The following GPATCH2L variants were observed in gnomAD, a reference collection of about 807,000 sequenced individuals.
The protein encoded by GPATCH2L is G-patch domain containing 2 like.
A neutral mutation model predicts 57.4 loss-of-function variants in GPATCH2L; 31 were observed. The ratio of observed to expected loss-of-function variants is 0.54; its 90% CI spans 0.41 to 0.73. GPATCH2L has a LOEUF of 0.73. GPATCH2L is among the 30% of genes least tolerant of loss of function. The probability of loss-of-function intolerance (pLI) is 0.00; values close to 1 mark genes in which losing one functional copy is unlikely to be tolerated. For synonymous variants in GPATCH2L, 199 were observed against 210.7 expected, an observed-to-expected ratio of 0.94 and a Z score of 0.48; for missense variants, 481 against 599.9, an observed-to-expected ratio of 0.80 and a Z score of 2.07.
chr14:76,167,652 C>T lies in GPATCH2L; in HGVS notation c.727+925C>T, dbSNP rs113054505. Among the ~76,000 whole-genome samples, 522 of 152,284 alleles carry T rather than the reference C, an allele frequency of 3.4e-3. 4 individuals are homozygous for T. The highest frequency in any genetic ancestry group is 0.012 in the African/African-American group (484 of 41,564). ...GTTGTAGGCATAGAGGCAGTTTATC[C>T]TCCTGGAGTTGTTGAGCTTCCTACT... is the stretch of plus-strand genomic sequence containing the variant. On this transcript the variant is annotated intron_variant, in intron 3 of 9. Coordinates refer to ENST00000261530, the MANE Select transcript of GPATCH2L (RefSeq NM_017926.4).
At chr14:76,178,239 A>G (rs1425702076) in intron 7 of GPATCH2L, 197 bp downstream of exon 7, 3 of 1,504,298 alleles carry the variant, frequency 2.0e-6, no homozygotes, top group Non-Finnish European at 2.7e-6. Context: ...AGCAGAATGA[A>G]TCTGATTTGC....
chr14:76,196,215 T>G (rs1042914861), intron 9 of GPATCH2L: 2 of 631,200 alleles, frequency 3.2e-6, no homozygotes, highest in Admixed American at 5.0e-5. Context: ...ATCAGCAATC[T>G]CCAGTCATCT....
At chr14:76,228,509 T>G (rs55832106) in intron 1 of GPATCH2L, among the ~76,000 whole-genome samples, 67,816 of 151,872 alleles carry the variant, frequency 0.45, 15,755 homozygotes, top group African/African-American at 0.57. Flanking sequence ...GGTCATCCTT[T>G]GAGATTAGCG....
intron 2 of GPATCH2L, among the ~76,000 whole-genome samples, chr14:76,231,320 G>A (rs956698683): frequency 2.0e-5 from 3 of 152,140 alleles, no homozygotes; most frequent in African/African-American, 7.2e-5. Context: ...CATCACGACC[G>A]TCTCTTTCCT....
chr14:76,197,326 C>G lies in GPATCH2L; in HGVS notation c.1288+1354C>G, dbSNP rs553517182. Among the ~76,000 whole-genome samples the G allele has an allele frequency of 3.3e-5, 5 of 152,194 alleles. No homozygotes were observed. In the South Asian group the frequency reaches 1.0e-3, roughly 32 times the overall value. The stretch of plus-strand genomic sequence containing the variant: ...TTTCATCTTTTTGTTCTTTTTTTCT[C>G]CTTAATATCTAGCTTTTATTTTTAG... On this transcript the variant is annotated intron_variant, in intron 9 of 9. Coordinates refer to ENST00000261530, the MANE Select transcript of GPATCH2L (RefSeq NM_017926.4).
At chr14:76,183,485 AT>A (rs200618343) in intron 8 of GPATCH2L, among the ~76,000 whole-genome samples, 9 of 152,008 alleles carry the variant, frequency 5.9e-5, no homozygotes, top group African/African-American at 1.9e-4. Context: ...TTATAGCAAA[AT>A]TTTTTTTGTT....
Position 76,202,151 on chromosome 14 carries a change from G to T in GPATCH2L, c.*300G>T. The stretch of plus-strand genomic sequence containing the variant: ...CTACAGCTCCATTTACAGAACTGTT[G>T]CTTTTTTGCAGTTGTCTTTGTTCTT... On this transcript the variant is annotated 3_prime_UTR_variant, in exon 10 of 10. Coordinates refer to ENST00000261530, the MANE Select transcript of GPATCH2L (RefSeq NM_017926.4). The T allele has an allele frequency of 9.3e-6, 2 of 215,340 alleles. No homozygotes were observed. Among genetic ancestry groups the T allele is most frequent in the Non-Finnish European group, 9.1e-6 (1 of 110,080 alleles). The allele number at this position is 215,340 out of a possible 1,614,324, so 13.3% of individuals were successfully genotyped here. A position where few individuals can be genotyped will look rare whatever the true frequency, so the allele number is the denominator to read the frequency against.
chr14:76,221,135 A>C (rs61979257), intron 1 of GPATCH2L, among the ~76,000 whole-genome samples: 2,259 of 152,034 alleles, frequency 0.015, 33 homozygotes, highest in Non-Finnish European at 0.024. Flanking sequence ...CTGTTATCCA[A>C]ACTGTAAAAA....
rs773881621 is a variant in GPATCH2L, at chr14:76,180,846, C to A, written c.1190C>A (p.Ala397Asp). 3 of 1,597,770 alleles carry A rather than the reference C, an allele frequency of 1.9e-6. No individual in the cohort carries two copies. The highest frequency in any genetic ancestry group is 2.6e-6 in the Non-Finnish European group (3 of 1,165,082). ...AGGTGTTCACCAGCACACTGCTCTG[C>A]CAGGTAATTGTCTTTTAGTAGCGGT... ...HRRCSPAHCS[A>D]RQANVHWGPP... is the part of the protein sequence containing the mutation. The change falls in exon 8 of 10, where the codon GCC (alanine) becomes GAC (aspartate). Residue 397 changes from alanine to aspartate, a missense_variant. By Grantham distance (126) the Ala-to-Asp change is moderately radical. Coordinates refer to ENST00000261530, the MANE Select transcript of GPATCH2L (RefSeq NM_017926.4).
At chr14:76,157,920 C>T (rs952217609) in intron 2 of GPATCH2L, among the ~76,000 whole-genome samples, 3 of 151,978 alleles carry the variant, frequency 2.0e-5, no homozygotes, top group African/African-American at 7.3e-5. Context: ...AGAGATCAAA[C>T]TATTATTTTA....
Position 76,168,793 on chromosome 14 carries a change from G to A in GPATCH2L, c.727+2066G>A, listed in dbSNP as rs143650340. ...TGGAATCCAATGGCAAAGAGCAAACGTCATGGATGGATGATTCTGCTATAG... is the reference window on the plus strand; with the variant it reads ...TGGAATCCAATGGCAAAGAGCAAACATCATGGATGGATGATTCTGCTATAG... On this transcript the variant is annotated intron_variant, in intron 3 of 9. Coordinates refer to ENST00000261530, the MANE Select transcript of GPATCH2L (RefSeq NM_017926.4). Among the ~76,000 whole-genome samples the A allele has an allele frequency of 6.2e-3, 943 of 152,338 alleles. 9 individuals are homozygous for A. The highest frequency in any genetic ancestry group is 0.021 in the African/African-American group (889 of 41,566).
chr14:76,215,777 G>A (rs1326285584), downstream of GPATCH2L, among the ~76,000 whole-genome samples: 1 of 100,368 alleles, frequency 1.0e-5, no homozygotes, highest in Non-Finnish European at 1.9e-5. Flanking sequence ...GGGGTGGGGG[G>A]AGGGGGGAGG....
At chr14:76,196,438 T>TTTTG (rs60453846) in intron 9 of GPATCH2L, 5,785 of 71,738 alleles carry the variant, frequency 0.081, 133 homozygotes, top group African/African-American at 0.11. Context: ...AACTTTTCAG[T>TTTTG]TTTTTTTTTT....
At chr14:76,231,622 T>TACACACACACACACACACACACACAC (rs60488808) in intron 2 of GPATCH2L, among the ~76,000 whole-genome samples, 6 of 147,364 alleles carry the variant, frequency 4.1e-5, no homozygotes, top group Non-Finnish European at 6.0e-5. Context: ...ACTAAACACA[T>TACACACACACACACACACACACACAC]ACACACACAC....
rs1425802071 is a variant in GPATCH2L, at chr14:76,210,242, C to T, written c.*8391C>T. ...CTCTAAAGGTAGGTACTTTTATCTC[C>T]ATTTTAAAACAATGAAATACACTTA... is the stretch of plus-strand genomic sequence containing the variant. On this transcript the variant is annotated 3_prime_UTR_variant, in exon 10 of 10. Transcript: ENST00000261530. 1 of 152,160 alleles carries T rather than the reference C, an allele frequency of 6.6e-6. No homozygotes were observed. Among genetic ancestry groups the T allele is most frequent in the East Asian group, 1.9e-4 (1 of 5,202 alleles). The allele number at this position is 152,160 out of a possible 1,614,324, so 9.4% of individuals were successfully genotyped here.
At chr14:76,163,174 T>C (rs1900122) in intron 2 of GPATCH2L, among the ~76,000 whole-genome samples, 116,737 of 152,074 alleles carry the variant, frequency 0.77, 45,814 homozygotes, top group South Asian at 0.88. Context: ...ACTTGCTGTG[T>C]GATCTTGGGT....
chr14:76,205,202 T>TCAAG lies in GPATCH2L; in HGVS notation c.*3355_*3358dup, dbSNP rs2040360744. The TCAAG allele has an allele frequency of 6.6e-6, 1 of 152,240 alleles. No individual in the cohort carries two copies. The highest frequency in any genetic ancestry group is 2.4e-5 in the African/African-American group (1 of 41,426). The allele number at this position is 152,240 out of a possible 1,614,324, so 9.4% of individuals were successfully genotyped here. A position where few individuals can be genotyped will look rare whatever the true frequency, so the allele number is the denominator to read the frequency against. On this transcript the variant is annotated 3_prime_UTR_variant, in exon 10 of 10. Coordinates refer to ENST00000261530, the MANE Select transcript of GPATCH2L (RefSeq NM_017926.4). ...CTATGCTGGTCTTGAACTCCTAACC[T>TCAAG]CAAGCAATCTTCCTGCCTCAGCCTC...
intron 8 of GPATCH2L, among the ~76,000 whole-genome samples, chr14:76,192,348 T>G (rs2040005905): frequency 6.6e-6 from 1 of 152,152 alleles, no homozygotes; most frequent in Non-Finnish European, 1.5e-5. Context: ...ATCATTTCTC[T>G]TCTTCCCTCC....
In GPATCH2L at chr14:76,203,632, G is replaced by C. The variant is rs1174139023; in HGVS notation, c.*1781G>C. 1 of 152,472 alleles carries C rather than the reference G, an allele frequency of 6.6e-6. No homozygotes were observed. The highest frequency in any genetic ancestry group is 1.5e-5 in the Non-Finnish European group (1 of 68,202). 9.4% of individuals were successfully genotyped at this position (152,472 alleles called of 1,614,324 possible). A position where few individuals can be genotyped will look rare whatever the true frequency, so the allele number is the denominator to read the frequency against. Reference sequence around the variant, plus strand: ...CTGAGTCACCCCTGGCTCTCATGCAGCAGTGTGTGTGCTTACAGGGACTTC... The same window carrying C: ...CTGAGTCACCCCTGGCTCTCATGCACCAGTGTGTGTGCTTACAGGGACTTC... On this transcript the variant is annotated 3_prime_UTR_variant, in exon 10 of 10. Transcript: ENST00000261530.
Sources: gnomAD v4.1 joint callset for allele counts (sites outside exome capture counted in the v4.1 genomes callset) on GRCh38, gnomAD v4.1.1 for gene constraint, MANE v1.5 for transcripts, NCBI Gene and HGNC (gene_info 2026-07-23, HGNC 2026-07-21) for gene names.